Variants in ULK4 observed in about 807,000 individuals in gnomAD.
The protein encoded by ULK4 is unc-51 like kinase 4, also known as inactive serine/threonine-protein kinase ULK4.
Under a neutral mutation model 160.6 loss-of-function variants are expected in ULK4, and 133 were observed. The observed-to-expected ratio is 0.83, with a 90% CI of 0.72 to 0.96. The LOEUF (loss-of-function observed/expected upper bound fraction) is 0.96. Ranked by LOEUF, ULK4 falls within the 40% of genes least tolerant of loss-of-function variation. The probability of loss-of-function intolerance (pLI) is 0.00; values close to 1 mark genes in which losing one functional copy is unlikely to be tolerated. For missense variants in ULK4, 1,580 were observed against 1,499.5 expected (o/e 1.05, Z -0.89); for synonymous variants, 534 against 539.8 (o/e 0.99, Z 0.15).
At chr3:41,615,938 A>T (rs1470351529) in intron 30 of ULK4, among the ~76,000 whole-genome samples, 4 of 152,224 alleles carry the variant, frequency 2.6e-5, no homozygotes, top group African/African-American at 9.6e-5. Flanking sequence ...ATTGATGTGT[A>T]GCAAGTGAAA....
At chr3:41,297,837 G>C (rs918110244) in intron 35 of ULK4, among the ~76,000 whole-genome samples, 1 of 152,178 alleles carries the variant, frequency 6.6e-6, no homozygotes, top group Non-Finnish European at 1.5e-5. Flanking sequence ...TTTTGGGTGG[G>C]TTAATGCATT....
At position 41,705,168 on chromosome 3, in the gene ULK4, T is replaced by C. The variant is rs747383965; in HGVS notation, c.2687-17A>G. On this transcript the variant is annotated splice_polypyrimidine_tract_variant and intron_variant, in intron 26 of 36. Coordinates refer to ENST00000301831, the MANE Select transcript of ULK4 (RefSeq NM_017886.4). The stretch of plus-strand genomic sequence containing the variant: ...CTGTCAGTCCTAGAAATACAGTTAA[T>C]TATTATAGGTGTTTATTTACATGTT... 1.2e-6 allele frequency: 2 copies of C among 1,608,872 alleles called. No homozygotes were observed. The highest frequency in any genetic ancestry group is 3.4e-5 in the Admixed American group (2 of 59,370).
rs776777590 is a variant in ULK4, at chr3:41,681,526, C to A, written c.2960G>T (p.Arg987Leu). 21 of 1,613,866 alleles carry A rather than the reference C, an allele frequency of 1.3e-5. No homozygotes were observed. The highest frequency in any genetic ancestry group is 1.8e-5 in the Non-Finnish European group (21 of 1,179,962). Residue 987 changes from arginine to leucine, a missense_variant, in exon 29 of 37, where the codon CGA (arginine) becomes CTA (leucine). Transcript: ENST00000301831. ...DSDSNLLALI[R>L]DVLLPQYEHI... Reference sequence around the variant, plus strand: ...TACTTACTGGGGAAGTAAGACATCTCGAATGAGAGCCAGAAGATTGCTGTC... The same window carrying A: ...TACTTACTGGGGAAGTAAGACATCTAGAATGAGAGCCAGAAGATTGCTGTC...
At chr3:41,916,949 C>T (rs1285377843) in intron 7 of ULK4, among the ~76,000 whole-genome samples, 1 of 151,884 alleles carries the variant, frequency 6.6e-6, no homozygotes, top group Non-Finnish European at 1.5e-5. Flanking sequence ...CTCAGGTGAT[C>T]CACCCACCTC....
chr3:41,458,010 A>G (rs1360621926), intron 33 of ULK4, among the ~76,000 whole-genome samples: 1 of 152,186 alleles, frequency 6.6e-6, no homozygotes, highest in Non-Finnish European at 1.5e-5. Flanking sequence ...GGGATATAAA[A>G]AAAGAGGGAA....
At chr3:41,819,071 C>T (rs73077394) in intron 19 of ULK4, among the ~76,000 whole-genome samples, 3,867 of 152,284 alleles carry the variant, frequency 0.025, 80 homozygotes, top group Non-Finnish European at 0.04. Flanking sequence ...CTCAGGCTCA[C>T]AGAAAATTCG....
At chr3:41,447,083 CAAAAAAAAAA>C (rs756911141) in intron 34 of ULK4, among the ~76,000 whole-genome samples, 1 of 53,674 alleles carries the variant, frequency 1.9e-5, no homozygotes, top group Non-Finnish European at 3.1e-5. Flanking sequence ...GACTCTGTCT[CAAAAAAAAAA>C]AAAAAAAAAA....
At chr3:41,407,580 T>G (rs778527591) in intron 34 of ULK4, among the ~76,000 whole-genome samples, 1 of 152,152 alleles carries the variant, frequency 6.6e-6, no homozygotes, top group Non-Finnish European at 1.5e-5. Context: ...CATGTGAAAA[T>G]CAATCAATGT....
At chr3:41,943,608 TTCCTC>T (rs774788798) in intron 2 of ULK4, among the ~76,000 whole-genome samples, 1 of 152,132 alleles carries the variant, frequency 6.6e-6, no homozygotes, top group African/African-American at 2.4e-5. Flanking sequence ...CACCTCCTCT[TTCCTC>T]TCCTCTCCTA....
chr3:41,769,238 G>C (rs2039271054), intron 21 of ULK4, among the ~76,000 whole-genome samples: 1 of 152,142 alleles, frequency 6.6e-6, no homozygotes, highest in Non-Finnish European at 1.5e-5. Context: ...AAAACTGAAT[G>C]AACAGTAATG....
At chr3:41,322,188 C>T (rs60664404) in intron 35 of ULK4, among the ~76,000 whole-genome samples, 2 of 143,180 alleles carry the variant, frequency 1.4e-5, no homozygotes, top group Non-Finnish European at 3.0e-5. Flanking sequence ...TGCACCACCA[C>T]GCCCTGCTCC....
chr3:41,721,108 C>T (rs936239154), intron 22 of ULK4, among the ~76,000 whole-genome samples: 22 of 151,136 alleles, frequency 1.5e-4, no homozygotes, highest in East Asian at 1.2e-3. Flanking sequence ...AGGGAACTTT[C>T]GCTTATAAAG....
chr3:41,279,275 AC>A (rs57359155), intron 35 of ULK4, among the ~76,000 whole-genome samples: 25,988 of 138,616 alleles, frequency 0.19, 3,410 homozygotes, highest in African/African-American at 0.38. Flanking sequence ...AAAAAAAAAA[AC>A]AAAACGACAA....
intron 16 of ULK4, among the ~76,000 whole-genome samples, chr3:41,891,764 G>A (rs1376469619): frequency 1.3e-5 from 2 of 152,192 alleles, no homozygotes; most frequent in African/African-American, 4.8e-5. Context: ...AATTAGCCGG[G>A]CATGATGGCA....
At chr3:41,379,764 G>A (rs762646210) in intron 35 of ULK4, among the ~76,000 whole-genome samples, 4 of 152,150 alleles carry the variant, frequency 2.6e-5, no homozygotes, top group Non-Finnish European at 5.9e-5. Context: ...CACTGACACA[G>A]ATCAAAAAGG....
intron 20 of ULK4, among the ~76,000 whole-genome samples, chr3:41,793,128 A>G (rs1369427540): frequency 2.6e-5 from 4 of 152,144 alleles, no homozygotes; most frequent in Non-Finnish European, 5.9e-5. Context: ...AGCCAAGATC[A>G]TGCCACTGCA....
chr3:41,390,925 A>C (rs569591537), intron 35 of ULK4, among the ~76,000 whole-genome samples: 67 of 151,204 alleles, frequency 4.4e-4, no homozygotes, highest in African/African-American at 1.5e-3. Flanking sequence ...CTTTTAACAA[A>C]TCTCTCCCTA....
intron 27 of ULK4, among the ~76,000 whole-genome samples, chr3:41,684,872 A>C (rs942941698): frequency 6.6e-6 from 1 of 152,252 alleles, no homozygotes; most frequent in African/African-American, 2.4e-5. Context: ...GGTTTAAATT[A>C]AAAGAAGGAT....
intron 32 of ULK4, among the ~76,000 whole-genome samples, chr3:41,484,203 CTGATAA>C (rs1302364122): frequency 1.3e-5 from 2 of 152,034 alleles, no homozygotes; most frequent in African/African-American, 2.4e-5. Context: ...CAATTTGATA[CTGATAA>C]TATCAATAAA....
Sources: gnomAD v4.1 joint callset for allele counts (sites outside exome capture counted in the v4.1 genomes callset) on GRCh38, gnomAD v4.1.1 for gene constraint, MANE v1.5 for transcripts, NCBI Gene and HGNC (gene_info 2026-07-23, HGNC 2026-07-21) for gene names.